Variants in SPECC1 observed in about 807,000 individuals in gnomAD.
SPECC1 encodes sperm antigen with calponin homology and coiled-coil domains 1.
A neutral mutation model predicts 104.1 loss-of-function variants in SPECC1; 62 were observed. The observed-to-expected ratio is 0.60, with a 90% CI of 0.49 to 0.74. SPECC1 has a LOEUF of 0.74. Ranked by LOEUF, SPECC1 falls within the 30% of genes least tolerant of loss-of-function variation. SPECC1 has a pLI of 0.00. For synonymous variants in SPECC1, 513 were observed against 501.6 expected (o/e 1.02, Z -0.30); for missense variants, 1,306 against 1,310.5 (o/e 1.00, Z 0.05).
chr17:20,194,502 A>ATTATTTTTTTTTTT lies in SPECC1; in HGVS notation c.284-9829_284-9828insATTTTTTTTTTTTT. Among the ~76,000 whole-genome samples, 102 of 86,526 alleles carry ATTATTTTTTTTTTT rather than the reference A, an allele frequency of 1.2e-3. 16 individuals are homozygous for ATTATTTTTTTTTTT. Among genetic ancestry groups the ATTATTTTTTTTTTT allele is most frequent in the East Asian group, 6.2e-3 (16 of 2,562 alleles). The allele number at this position is 86,526 out of a possible 152,430, so 56.8% of individuals were successfully genotyped here. On this transcript the variant is annotated intron_variant, in intron 3 of 14. Transcript: ENST00000395527. ...TGTGTTCTGTTAGAAAAGAGAACGA[A>ATTATTTTTTTTTTT]TTTTTTTTTTTTTTTTTTTTTTTGA...
At position 20,236,932 on chromosome 17, in the gene SPECC1, C is replaced by T. The variant is rs541532626; in HGVS notation, c.2351+4527C>T. ...GCCCAGCTCTTGCCATGATTGGGAGCCGCAGCCATCTCTAGATGAAAGGGG... is the reference window on the plus strand; with the variant it reads ...GCCCAGCTCTTGCCATGATTGGGAGTCGCAGCCATCTCTAGATGAAAGGGG... On this transcript the variant is annotated intron_variant, in intron 7 of 14. Transcript: ENST00000395527. 5.6e-6 allele frequency: 9 copies of T among 1,613,074 alleles called. No individual in the cohort carries two copies. In the South Asian group the frequency reaches 9.9e-5, roughly 18 times the overall value.
chr17:20,206,940 C>G (rs2036823481), intron 4 of SPECC1, among the ~76,000 whole-genome samples: 1 of 152,056 alleles, frequency 6.6e-6, no homozygotes, highest in Non-Finnish European at 1.5e-5. Flanking sequence ...TCTTCCATAG[C>G]CCAAGAGCAA....
At chr17:20,295,572 C>G (rs568559640) in intron 12 of SPECC1, among the ~76,000 whole-genome samples, 12 of 152,286 alleles carry the variant, frequency 7.9e-5, no homozygotes, top group Non-Finnish European at 1.6e-4. Context: ...ATTTCTAGTT[C>G]TAGATCCTTG....
In SPECC1 at chr17:20,204,905, G is replaced by A. The variant is rs1246448801; in HGVS notation, c.856G>A (p.Gly286Arg). ...ATCCATAACTCAAGAGTCAAGCTTC[G>A]GAAGCCCAACTGGAAATCAGATGTC... ...PTSITQESSF[G>R]SPTGNQMSSD... The change falls in exon 4 of 15, where the codon GGA becomes AGA. Residue 286 changes from glycine (G) to arginine (R), a missense_variant. Coordinates refer to ENST00000395527, the MANE Select transcript of SPECC1 (RefSeq NM_001243439.2). 6.2e-7 allele frequency: 1 copy of A among 1,613,968 alleles called. No homozygotes were observed. Among genetic ancestry groups the A allele is most frequent in the Non-Finnish European group, 8.5e-7 (1 of 1,179,994 alleles).
intron 1 of SPECC1, among the ~76,000 whole-genome samples, chr17:20,085,257 A>T (rs1167591411): frequency 6.6e-6 from 1 of 152,188 alleles, no homozygotes; most frequent in Non-Finnish European, 1.5e-5. Flanking sequence ...AGGTGGCTTC[A>T]TGGCATGGCT....
At chr17:20,153,848 C>T (rs1238049830) in intron 3 of SPECC1, among the ~76,000 whole-genome samples, 1 of 152,182 alleles carries the variant, frequency 6.6e-6, no homozygotes, top group Non-Finnish European at 1.5e-5. Flanking sequence ...TTGGGGAAGT[C>T]GACCATCTTT....
At chr17:20,154,489 G>C (rs1352487227) in intron 3 of SPECC1, among the ~76,000 whole-genome samples, 8 of 152,186 alleles carry the variant, frequency 5.3e-5, no homozygotes, top group Non-Finnish European at 1.2e-4. Flanking sequence ...CTTATTTGAG[G>C]AACAGTGAGG....
At chr17:20,156,196 C>A in intron 3 of SPECC1, 1 of 1,446,774 alleles carries the variant, frequency 6.9e-7, no homozygotes. Context: ...GTCGGCCAAG[C>A]ATGGGCAACC....
intron 2 of SPECC1, among the ~76,000 whole-genome samples, chr17:20,102,514 A>G (rs935534128): frequency 6.6e-6 from 1 of 152,300 alleles, no homozygotes; most frequent in African/African-American, 2.4e-5. Flanking sequence ...AGTGCAGCAT[A>G]AAATCCCCTA....
intron 12 of SPECC1, among the ~76,000 whole-genome samples, chr17:20,262,384 C>T (rs1400410011): frequency 2.0e-5 from 3 of 152,132 alleles, no homozygotes; most frequent in Non-Finnish European, 4.4e-5. Flanking sequence ...AAACAGATGA[C>T]TGAAGTAATT....
chr17:20,034,692 G>GC (rs1459326814), intron 1 of SPECC1, among the ~76,000 whole-genome samples: 3 of 145,988 alleles, frequency 2.1e-5, no homozygotes, highest in Admixed American at 7.0e-5. Flanking sequence ...CGCAACCTCT[G>GC]CCCCCCGGGT....
chr17:20,156,282 C>G, intron 3 of SPECC1: 1 of 1,326,502 alleles, frequency 7.5e-7, no homozygotes, highest in Non-Finnish European at 9.7e-7. Context: ...AACCCCACCC[C>G]CCCTCCAGGC....
intron 7 of SPECC1, among the ~76,000 whole-genome samples, chr17:20,243,528 C>G (rs946075579): frequency 9.9e-5 from 15 of 152,110 alleles, no homozygotes; most frequent in Admixed American, 9.2e-4. Context: ...TCAATTCAGG[C>G]TATGTTTTGT....
In SPECC1 at chr17:20,056,463, G is replaced by A. The variant is rs575112632; in HGVS notation, c.-21-40168G>A. 7.9e-5 allele frequency: 16 copies of A among 202,938 alleles called. No homozygotes were observed. The South Asian group carries it at 1.2e-3, about 15-fold the overall frequency. The allele number at this position is 202,938 out of a possible 1,614,324, so 12.6% of individuals were successfully genotyped here. ...TTGCTGGAAGCCGAATGAATTCCGC[G>A]ATGATATGTGCAGAAAAGAGATCCA... On this transcript the variant is annotated intron_variant, in intron 1 of 14. Transcript: ENST00000395527.
At chr17:20,087,644 C>G (rs1001839071) in intron 1 of SPECC1, among the ~76,000 whole-genome samples, 4 of 152,040 alleles carry the variant, frequency 2.6e-5, no homozygotes, top group Middle Eastern at 3.2e-3. Flanking sequence ...AAGCCAGAAT[C>G]TAAGTATTCA....
chr17:20,298,624 G>C (rs1009408382), intron 13 of SPECC1, among the ~76,000 whole-genome samples: 2 of 152,116 alleles, frequency 1.3e-5, no homozygotes, highest in African/African-American at 2.4e-5. Flanking sequence ...TGGTAGCAAC[G>C]CAGACGGAAA....
chr17:20,058,910 G>A lies in SPECC1; in HGVS notation c.-21-37721G>A, dbSNP rs1361590006. ...GCTGGAGTGCAGTGGCGTGATCTCG[G>A]CTTACCTCAAGCTCTGCCTCCCAGG... is the stretch of plus-strand genomic sequence containing the variant. On this transcript the variant is annotated intron_variant, in intron 1 of 14. Transcript: ENST00000395527. 4.0e-5 allele frequency among the ~76,000 whole-genome samples: 6 copies of A among 148,334 alleles called. No individual in the cohort carries two copies. The Admixed American group carries it at 4.1e-4, about 10-fold the overall frequency.
chr17:20,069,590 G>T (rs2152479913), intron 1 of SPECC1, among the ~76,000 whole-genome samples: 1 of 152,180 alleles, frequency 6.6e-6, no homozygotes, highest in East Asian at 1.9e-4. Flanking sequence ...TTGTTGAAAA[G>T]ACTGTCTCCC....
chr17:20,061,372 C>T (rs565510606), intron 1 of SPECC1, among the ~76,000 whole-genome samples: 2 of 152,300 alleles, frequency 1.3e-5, no homozygotes, highest in South Asian at 2.1e-4. Flanking sequence ...ATACTTGGCC[C>T]ATTTGTTTCT....
Sources: allele counts gnomAD v4.1 joint callset (sites outside exome capture counted in the v4.1 genomes callset), GRCh38; gene constraint gnomAD v4.1.1; transcripts MANE v1.5; gene names NCBI Gene and HGNC (gene_info 2026-07-23, HGNC 2026-07-21).